RANBP2: variants seen among roughly 807,000 people sequenced by gnomAD.
RANBP2 encodes E3 SUMO-protein ligase RanBP2.
RANBP2 carries 57 observed loss-of-function variants against 303.6 expected under a neutral mutation model. The ratio of observed to expected loss-of-function variants is 0.19; its 90% CI spans 0.15 to 0.23. The LOEUF (loss-of-function observed/expected upper bound fraction) is 0.23, where lower values mean the gene tolerates loss of function less well. RANBP2 is among the 10% of genes least tolerant of loss of function. The pLI, the probability that RANBP2 is intolerant of heterozygous loss-of-function variation, is 1.00. For missense variants in RANBP2, 3,138 were observed against 3,780.8 expected (o/e 0.83, Z 4.46); for synonymous variants, 1,167 against 1,301.5 (o/e 0.90, Z 2.23).
At chr2:108,871,055 G>A in the RANBP2 span, among the ~76,000 whole-genome samples, 27 of 152,110 alleles carry the variant, frequency 1.8e-4, no homozygotes, top group South Asian at 1.0e-3. Context: ...AGAAATAGCC[G>A]TCATTAATGT....
the RANBP2 span, among the ~76,000 whole-genome samples, chr2:109,723,008 G>T: frequency 2.6e-5 from 4 of 152,128 alleles, no homozygotes; most frequent in Non-Finnish European, 5.9e-5. Flanking sequence ...TGGTTCATAC[G>T]GTATTTCTGC....
the RANBP2 span, among the ~76,000 whole-genome samples, chr2:109,691,923 C>T: frequency 6.6e-6 from 1 of 152,008 alleles, no homozygotes; most frequent in Non-Finnish European, 1.5e-5. Flanking sequence ...GCTGGGATTA[C>T]AGGCGCCCGC....
chr2:109,239,919 C>T, the RANBP2 span, among the ~76,000 whole-genome samples: 98 of 152,274 alleles, frequency 6.4e-4, no homozygotes, highest in East Asian at 0.018. Context: ...CACTGGCAGC[C>T]AGGCGGAGGT....
At chr2:109,142,051 G>GA in the RANBP2 span, among the ~76,000 whole-genome samples, 1 of 151,540 alleles carries the variant, frequency 6.6e-6, no homozygotes, top group Non-Finnish European at 1.5e-5. Flanking sequence ...CCTGGGGGGG[G>GA]GGTCTCAGGT....
At chr2:109,080,121 T>C in the RANBP2 span, among the ~76,000 whole-genome samples, 12 of 152,018 alleles carry the variant, frequency 7.9e-5, no homozygotes, top group Non-Finnish European at 1.8e-4. Context: ...GAAAAGGAGA[T>C]GGGGCCCATC....
the RANBP2 span, among the ~76,000 whole-genome samples, chr2:109,089,392 C>G: frequency 1.3e-5 from 2 of 151,596 alleles, no homozygotes; most frequent in Admixed American, 1.3e-4. Flanking sequence ...AGTTTGAGCC[C>G]GGGAATTTCA....
At chr2:109,593,925 ATTT>A in the RANBP2 span, among the ~76,000 whole-genome samples, 1 of 152,124 alleles carries the variant, frequency 6.6e-6, no homozygotes, top group Admixed American at 6.6e-5. Context: ...CATTAAGTTT[ATTT>A]TCTTATTTAA....
At chr2:109,270,234 A>G in the RANBP2 span, among the ~76,000 whole-genome samples, 6 of 152,268 alleles carry the variant, frequency 3.9e-5, no homozygotes, top group African/African-American at 1.4e-4. Flanking sequence ...GGGGGTGAGG[A>G]TGCTGGTTAG....
At chr2:109,585,684 G>A in the RANBP2 span, 1 of 1,387,148 alleles carries the variant, frequency 7.2e-7, no homozygotes, top group South Asian at 1.2e-5. Flanking sequence ...CAAGGAATAT[G>A]AAGGAACAAC....
chr2:108,798,487 A>G, the RANBP2 span: 3 of 1,613,998 alleles, frequency 1.9e-6, no homozygotes, highest in Non-Finnish European at 2.5e-6. Flanking sequence ...AACGTTTTTT[A>G]CTTGAAAGAG....
the RANBP2 span, among the ~76,000 whole-genome samples, chr2:108,975,309 C>T: frequency 6.6e-6 from 1 of 152,180 alleles, no homozygotes; most frequent in Admixed American, 6.5e-5. Flanking sequence ...TGCCTGGGTT[C>T]CCACCCGTGT....
the RANBP2 span, among the ~76,000 whole-genome samples, chr2:109,106,764 GA>G: frequency 6.6e-6 from 1 of 151,922 alleles, no homozygotes; most frequent in African/African-American, 2.4e-5. Flanking sequence ...GTGAATCCGG[GA>G]GGCAGAGCTT....
At chr2:109,429,577 A>T in the RANBP2 span, among the ~76,000 whole-genome samples, 1 of 151,692 alleles carries the variant, frequency 6.6e-6, no homozygotes, top group South Asian at 2.1e-4. Context: ...CCCATTCAGG[A>T]CCCCAGCCTC....
the RANBP2 span, chr2:108,910,450 T>A: frequency 6.2e-7 from 1 of 1,611,960 alleles, no homozygotes; most frequent in African/African-American, 1.3e-5. Flanking sequence ...TGCTGGGGGC[T>A]TCCACATACC....
At chr2:109,167,711 A>G in the RANBP2 span, among the ~76,000 whole-genome samples, 1 of 152,132 alleles carries the variant, frequency 6.6e-6, no homozygotes, top group Non-Finnish European at 1.5e-5. Context: ...AGCTGGGACT[A>G]CAGACACCTG....
chr2:109,263,688 CG>C, the RANBP2 span, among the ~76,000 whole-genome samples: 3 of 152,246 alleles, frequency 2.0e-5, no homozygotes, highest in South Asian at 6.2e-4. Flanking sequence ...AATGTGAGGC[CG>C]GGTGCGGTGG....
At chr2:109,165,035 G>A in the RANBP2 span, among the ~76,000 whole-genome samples, 1 of 152,132 alleles carries the variant, frequency 6.6e-6, no homozygotes, top group East Asian at 1.9e-4. Context: ...TTTCCTTCAC[G>A]GAATCATTTT....
At chr2:109,171,576 G>T in the RANBP2 span, among the ~76,000 whole-genome samples, 9 of 152,352 alleles carry the variant, frequency 5.9e-5, no homozygotes, top group Middle Eastern at 6.8e-3. Flanking sequence ...CGGAGCACAG[G>T]GAGCTATTTC....
the RANBP2 span, among the ~76,000 whole-genome samples, chr2:109,537,529 A>G: frequency 6.6e-6 from 1 of 152,024 alleles, no homozygotes; most frequent in Non-Finnish European, 1.5e-5. Flanking sequence ...CAGGCTTTGA[A>G]ATGAAAAGTC....
Sources: allele counts gnomAD v4.1 joint callset (sites outside exome capture counted in the v4.1 genomes callset), GRCh38; gene constraint gnomAD v4.1.1; transcripts MANE v1.5; gene names NCBI Gene and HGNC (gene_info 2026-07-23, HGNC 2026-07-21).